Variants in ASIC2 observed in about 807,000 individuals in gnomAD.
The protein encoded by ASIC2 is acid sensing ion channel subunit 2.
Under a neutral mutation model 57.3 loss-of-function variants are expected in ASIC2, and 25 were observed. The observed-to-expected ratio is 0.44, with a 90% CI of 0.32 to 0.61. ASIC2 has a LOEUF of 0.61. Ranked by LOEUF, ASIC2 falls within the 20% of genes least tolerant of loss-of-function variation. The pLI, the probability that ASIC2 is intolerant of heterozygous loss-of-function variation, is 0.06. For missense variants in ASIC2, 641 were observed against 738.1 expected (o/e 0.87, Z 1.52); for synonymous variants, 319 against 307.5 (o/e 1.04, Z -0.39).
At chr17:33,258,786 GC>G (rs1271590974) in intron 1 of ASIC2, among the ~76,000 whole-genome samples, 1 of 152,150 alleles carries the variant, frequency 6.6e-6, no homozygotes, top group Admixed American at 6.5e-5. Context: ...CCCAGAAGTG[GC>G]CCAGCTGGTA....
At chr17:33,264,194 C>T (rs1264339285) in intron 1 of ASIC2, among the ~76,000 whole-genome samples, 1 of 152,248 alleles carries the variant, frequency 6.6e-6, no homozygotes, top group Non-Finnish European at 1.5e-5. Context: ...GATGTCACTA[C>T]CACACACAGA....
chr17:33,506,322 C>T (rs530870543), intron 1 of ASIC2, among the ~76,000 whole-genome samples: 47 of 149,388 alleles, frequency 3.1e-4, no homozygotes, highest in Non-Finnish European at 5.9e-4. Context: ...CTGAGGCCGG[C>T]GAATGGTGTG....
intron 1 of ASIC2, among the ~76,000 whole-genome samples, chr17:33,865,299 G>A (rs374085636): frequency 2.6e-5 from 4 of 152,134 alleles, no homozygotes; most frequent in Non-Finnish European, 4.4e-5. Flanking sequence ...TCCATTGGGC[G>A]GATCAACCCA....
chr17:34,039,793 T>C, intron 1 of ASIC2: 1 of 1,610,750 alleles, frequency 6.2e-7, no homozygotes, highest in East Asian at 2.2e-5. Context: ...AAGTGGTCCC[T>C]TACTAACACC....
intron 1 of ASIC2, among the ~76,000 whole-genome samples, chr17:34,040,731 C>T (rs73986823): frequency 0.048 from 7,307 of 152,182 alleles, 591 homozygotes; most frequent in African/African-American, 0.17. Context: ...CACCTCTCCC[C>T]TTCCCCAGCC....
intron 8 of ASIC2, among the ~76,000 whole-genome samples, chr17:33,016,247 T>C (rs1348330828): frequency 1.3e-5 from 2 of 152,130 alleles, no homozygotes; most frequent in African/African-American, 4.8e-5. Flanking sequence ...TTGCAGGAGA[T>C]GGAGCTAGGA....
At chr17:34,124,799 C>T (rs1410826021) in intron 1 of ASIC2, among the ~76,000 whole-genome samples, 1 of 152,102 alleles carries the variant, frequency 6.6e-6, no homozygotes, top group East Asian at 1.9e-4. Flanking sequence ...GACGCTAATG[C>T]CGTCATGGGG....
At position 34,100,470 on chromosome 17, in the gene ASIC2, C is replaced by T. The variant is rs9899516; in HGVS notation, c.555+55508G>A. Among the ~76,000 whole-genome samples the T allele has an allele frequency of 7.4e-3, 1,124 of 152,232 alleles. 13 individuals are homozygous for T. Among genetic ancestry groups the T allele is most frequent in the African/African-American group, 0.025 (1,037 of 41,516 alleles). The stretch of plus-strand genomic sequence containing the variant: ...TTATTAAAACACATTGTATTCATTC[C>T]GCTTGGCAACTGGAGCAGGGCAGGC... On this transcript the variant is annotated intron_variant, in intron 1 of 9. Coordinates refer to the ASIC2 transcript ENST00000359872.
chr17:33,716,359 C>A (rs932224279), intron 1 of ASIC2, among the ~76,000 whole-genome samples: 1 of 152,236 alleles, frequency 6.6e-6, no homozygotes, highest in Non-Finnish European at 1.5e-5. Flanking sequence ...ACTACCTCTT[C>A]ACCTCTATCA....
At chr17:33,789,368 C>A (rs544925977) in intron 1 of ASIC2, among the ~76,000 whole-genome samples, 93 of 152,138 alleles carry the variant, frequency 6.1e-4, no homozygotes, top group African/African-American at 2.0e-3. Flanking sequence ...CTTTTATAAA[C>A]ATTGTTTTCC....
At chr17:33,668,934 A>G (rs916124206) in intron 1 of ASIC2, among the ~76,000 whole-genome samples, 3 of 152,094 alleles carry the variant, frequency 2.0e-5, no homozygotes, top group Non-Finnish European at 4.4e-5. Context: ...GCAACACTGA[A>G]TTTCCCTTCC....
chr17:33,979,946 C>T (rs1228002441), intron 1 of ASIC2, among the ~76,000 whole-genome samples: 1 of 152,074 alleles, frequency 6.6e-6, no homozygotes, highest in East Asian at 1.9e-4. Context: ...GCCCCTTAGG[C>T]CTCCTCTCTT....
intron 1 of ASIC2, among the ~76,000 whole-genome samples, chr17:33,875,653 T>C (rs1211441911): frequency 6.6e-6 from 1 of 152,096 alleles, no homozygotes; most frequent in Non-Finnish European, 1.5e-5. Context: ...CCTTAAATCT[T>C]TTTCCTGACC....
rs1372285789 is a variant in ASIC2, at chr17:33,843,570, T to C, written c.555+312408A>G. 2.0e-5 allele frequency among the ~76,000 whole-genome samples: 3 copies of C among 152,310 alleles called. No individual in the cohort carries two copies. In the South Asian group the frequency reaches 6.2e-4, roughly 32 times the overall value. Reference sequence around the variant, plus strand: ...GGCTACTAGAAGACTTAGAATGTAATGTATTCCTCTATTTTCTTCTGCTTA... The same window carrying C: ...GGCTACTAGAAGACTTAGAATGTAACGTATTCCTCTATTTTCTTCTGCTTA... On this transcript the variant is annotated intron_variant, in intron 1 of 9. Coordinates refer to the ASIC2 transcript ENST00000359872.
intron 1 of ASIC2, among the ~76,000 whole-genome samples, chr17:33,870,003 G>A (rs1914350295): frequency 6.6e-6 from 1 of 152,296 alleles, no homozygotes; most frequent in Middle Eastern, 3.4e-3. Flanking sequence ...TTTACAGGAT[G>A]TCAGGTATAG....
chr17:33,647,966 C>T (rs570008148), intron 1 of ASIC2, among the ~76,000 whole-genome samples: 9 of 152,318 alleles, frequency 5.9e-5, no homozygotes, highest in Admixed American at 1.3e-4. Flanking sequence ...CATGCCACCC[C>T]CATACCTGTC....
At chr17:33,957,294 C>T (rs1217083940) in intron 1 of ASIC2, among the ~76,000 whole-genome samples, 1 of 152,126 alleles carries the variant, frequency 6.6e-6, no homozygotes, top group Non-Finnish European at 1.5e-5. Context: ...AGCAACATGC[C>T]CTTGGAGTCC....
intron 1 of ASIC2, among the ~76,000 whole-genome samples, chr17:34,104,764 T>C (rs1300064243): frequency 3.9e-5 from 6 of 152,024 alleles, no homozygotes; most frequent in Non-Finnish European, 7.4e-5. Context: ...CCAGATTACA[T>C]TGATTAATTT....
chr17:34,062,649 T>C (rs139037534), intron 1 of ASIC2, among the ~76,000 whole-genome samples: 5 of 151,236 alleles, frequency 3.3e-5, no homozygotes, highest in African/African-American at 1.2e-4. Flanking sequence ...AAGAATAGAG[T>C]AAATCCAAAT....
Sources: allele counts gnomAD v4.1 joint callset (sites outside exome capture counted in the v4.1 genomes callset), GRCh38; gene constraint gnomAD v4.1.1; transcripts MANE v1.5; gene names NCBI Gene and HGNC (gene_info 2026-07-23, HGNC 2026-07-21).